The following CYP4X1 variants were observed in gnomAD, a reference collection of about 807,000 sequenced individuals.
CYP4X1 encodes cytochrome P450 4X1.
A neutral mutation model predicts 57.9 loss-of-function variants in CYP4X1; 44 were observed. The ratio of observed to expected loss-of-function variants is 0.76; its 90% CI spans 0.60 to 0.98. The LOEUF is 0.98. CYP4X1 is among the 50% of genes least tolerant of loss of function. The probability of loss-of-function intolerance (pLI) is 0.00; values close to 1 mark genes in which losing one functional copy is unlikely to be tolerated. For synonymous variants in CYP4X1, 227 were observed against 228.6 expected (o/e 0.99, Z 0.06); for missense variants, 532 against 623.9 (o/e 0.85, Z 1.57).
At chr1:47,026,141 A>T (rs1009413441) in intron 1 of CYP4X1, among the ~76,000 whole-genome samples, 1 of 152,224 alleles carries the variant, frequency 6.6e-6, no homozygotes, top group South Asian at 2.1e-4. Flanking sequence ...GGTACAAAAA[A>T]AATAGAAAGA....
Position 47,023,978 on chromosome 1 carries a change from T to G in CYP4X1, c.161T>G (p.Phe54Cys). 6.2e-7 allele frequency: 1 copy of G among 1,612,626 alleles called. No homozygotes were observed. Among genetic ancestry groups the G allele is most frequent in the Non-Finnish European group, 8.5e-7 (1 of 1,179,690 alleles). Residue 54 changes from phenylalanine to cysteine, a missense_variant, in exon 1 of 12, where the codon TTC becomes TGC. Transcript: ENST00000371901. ...TTCCCAGCGCCCCCCACCCACTGGT[T>G]CCTTGGGCACCAGAAGGTAGATGGG... Reference protein sequence around the residue: ...RPFPAPPTHWFLGHQKFIQDD... With the variant: ...RPFPAPPTHWCLGHQKFIQDD...
At chr1:47,012,529 C>A in the CYP4X1 span, among the ~76,000 whole-genome samples, 1 of 151,618 alleles carries the variant, frequency 6.6e-6, no homozygotes, top group Non-Finnish European at 1.5e-5. Context: ...GCACGTTGTG[C>A]ACATGTACAC....
the CYP4X1 span, among the ~76,000 whole-genome samples, chr1:46,976,348 G>C: frequency 2.0e-5 from 3 of 152,180 alleles, no homozygotes; most frequent in Non-Finnish European, 4.4e-5. Context: ...CTCACTGCTA[G>C]CACAGCAGTC....
chr1:46,962,077 CT>C, the CYP4X1 span, among the ~76,000 whole-genome samples: 1 of 152,260 alleles, frequency 6.6e-6, no homozygotes, highest in East Asian at 1.9e-4. Flanking sequence ...ACTAAAGAGA[CT>C]GAATCTGAAG....
chr1:47,051,695 G>A (rs934894329), downstream of CYP4X1, among the ~76,000 whole-genome samples: 3 of 151,836 alleles, frequency 2.0e-5, no homozygotes, highest in South Asian at 2.1e-4. Flanking sequence ...AAACACCCAC[G>A]TCTAAAACCA....
chr1:46,999,026 TTGTGTGTGTGTGTGTGTG>T, the CYP4X1 span, among the ~76,000 whole-genome samples: 3 of 143,246 alleles, frequency 2.1e-5, no homozygotes, highest in Non-Finnish European at 4.6e-5. Context: ...CTTGCTTTCT[TTGTGTGTGTGTGTGTGTG>T]TGTGTGTGTG....
At position 47,046,506 on chromosome 1, in the gene CYP4X1, C is replaced by T. The variant is rs1225193790; in HGVS notation, c.1113C>T (p.Ile371=). Residue 371 remains isoleucine, a synonymous_variant, in exon 9 of 12, where the codon ATC becomes ATT. Transcript: ENST00000371901. The part of the protein sequence containing the change: ...LGEMSYTTMC[I]KETCRLIPAV... Reference sequence around the variant, plus strand: ...AGATGTCGTACACCACAATGTGCATCAAGGAGACGTGCCGATTGATTCCTG... The same window carrying T: ...AGATGTCGTACACCACAATGTGCATTAAGGAGACGTGCCGATTGATTCCTG... The T allele has an allele frequency of 3.1e-6, 5 of 1,614,186 alleles. No homozygotes were observed. The highest frequency in any genetic ancestry group is 3.4e-6 in the Non-Finnish European group (4 of 1,180,034).
chr1:46,963,200 T>C, the CYP4X1 span, among the ~76,000 whole-genome samples: 1 of 152,216 alleles, frequency 6.6e-6, no homozygotes, highest in Non-Finnish European at 1.5e-5. Context: ...GTCTTGACTC[T>C]TTATCCAATT....
chr1:47,046,586 G>A lies in CYP4X1; in HGVS notation c.1193G>A (p.Cys398Tyr). 4 of 1,614,122 alleles carry A rather than the reference G, an allele frequency of 2.5e-6. No homozygotes were observed. The highest frequency in any genetic ancestry group is 3.4e-6 in the Non-Finnish European group (4 of 1,180,022). ...AAGCCACTTACCTTCCCAGATGGAT[G>A]CACATTGCCTGCAGGTCTTTACATT... ...LSKPLTFPDG[C>Y]TLPAGITVVL... Residue 398 changes from cysteine to tyrosine, a missense_variant, in exon 9 of 12, where the codon TGC becomes TAC. Physicochemically the swap from Cys to Tyr is radical, Grantham distance 194. Coordinates refer to ENST00000371901, the MANE Select transcript of CYP4X1 (RefSeq NM_178033.2).
chr1:47,021,675 T>C (rs1189385908), upstream of CYP4X1, among the ~76,000 whole-genome samples: 2 of 152,082 alleles, frequency 1.3e-5, no homozygotes, highest in Non-Finnish European at 2.9e-5. Context: ...AGTTCCAGAG[T>C]TCCTTTGTTA....
chr1:46,978,499 A>G, the CYP4X1 span, among the ~76,000 whole-genome samples: 2 of 152,118 alleles, frequency 1.3e-5, no homozygotes, highest in Non-Finnish European at 2.9e-5. Flanking sequence ...AGACCTACAA[A>G]GAGACTTAGA....
the CYP4X1 span, among the ~76,000 whole-genome samples, chr1:46,974,402 GTT>G: frequency 6.6e-6 from 1 of 152,098 alleles, no homozygotes; most frequent in Non-Finnish European, 1.5e-5. Flanking sequence ...TGTATGTTCT[GTT>G]TTTGTTAGGT....
At chr1:47,052,018 G>C (rs1644363126), downstream of CYP4X1, among the ~76,000 whole-genome samples, 2 of 151,882 alleles carry the variant, frequency 1.3e-5, no homozygotes, top group South Asian at 4.2e-4. Context: ...TTACCTATTT[G>C]GGGTCAAAAT....
chr1:46,984,191 C>T, the CYP4X1 span, among the ~76,000 whole-genome samples: 1 of 151,874 alleles, frequency 6.6e-6, no homozygotes, highest in African/African-American at 2.4e-5. Context: ...AAATGTGAGT[C>T]CTGGGGGCTC....
the CYP4X1 span, among the ~76,000 whole-genome samples, chr1:47,004,224 T>A: frequency 6.6e-6 from 1 of 152,260 alleles, no homozygotes; most frequent in East Asian, 1.9e-4. Context: ...TCCCATCTTG[T>A]GGAGCGTACT....
chr1:47,049,364 T>G (rs1271833926), intron 10 of CYP4X1, 58 bp from the exon 11 acceptor site: 2 of 1,309,310 alleles, frequency 1.5e-6, no homozygotes, highest in Non-Finnish European at 2.2e-6. Context: ...AGGTGGTAGG[T>G]GAAGAAATGT....
At chr1:47,005,588 T>C in the CYP4X1 span, among the ~76,000 whole-genome samples, 3 of 152,352 alleles carry the variant, frequency 2.0e-5, no homozygotes, top group African/African-American at 7.2e-5. Flanking sequence ...TGTACACTTA[T>C]TGTTATATGT....
downstream of CYP4X1, among the ~76,000 whole-genome samples, chr1:47,054,460 T>G (rs945686799): frequency 4.6e-5 from 7 of 151,900 alleles, no homozygotes; most frequent in Admixed American, 6.6e-5. Context: ...GTGAAGAAAG[T>G]CATTGGTAGC....
chr1:46,995,869 T>C, the CYP4X1 span, among the ~76,000 whole-genome samples: 1 of 152,218 alleles, frequency 6.6e-6, no homozygotes, highest in Non-Finnish European at 1.5e-5. Flanking sequence ...GTTCTGTTGC[T>C]CCTTTTCCTC....
Sources: gnomAD v4.1 joint callset for allele counts (sites outside exome capture counted in the v4.1 genomes callset) on GRCh38, gnomAD v4.1.1 for gene constraint, MANE v1.5 for transcripts, NCBI Gene and HGNC (gene_info 2026-07-23, HGNC 2026-07-21) for gene names.